Variants in ALX4 observed in about 807,000 individuals in gnomAD.
ALX4 encodes the protein homeobox protein aristaless-like 4.
A neutral mutation model predicts 40.6 loss-of-function variants in ALX4; 22 were observed. The ratio of observed to expected loss-of-function variants is 0.54; its 90% CI spans 0.39 to 0.77. The LOEUF (loss-of-function observed/expected upper bound fraction) is 0.77. Among genes scored for constraint, ALX4 ranks in the 30% least tolerant of loss-of-function variants. ALX4 has a pLI of 0.00. For synonymous variants in ALX4, 266 were observed against 240.5 expected (o/e 1.11, Z -0.98); for missense variants, 556 against 564.8 (o/e 0.98, Z 0.16).
At chr11:44,308,443 C>A (rs1482465143) in intron 1 of ALX4, among the ~76,000 whole-genome samples, 5 of 152,246 alleles carry the variant, frequency 3.3e-5, no homozygotes, top group Non-Finnish European at 4.4e-5. Context: ...CCCAACTCTT[C>A]CCACCAGGGC....
At chr11:44,294,993 G>T (rs1956394716) in intron 1 of ALX4, among the ~76,000 whole-genome samples, 1 of 151,994 alleles carries the variant, frequency 6.6e-6, no homozygotes, top group Non-Finnish European at 1.5e-5. Context: ...GGGATTACAG[G>T]CGCCCACCAC....
intron 1 of ALX4, among the ~76,000 whole-genome samples, chr11:44,293,140 GA>G (rs1565007416): frequency 3.6e-4 from 25 of 69,878 alleles, no homozygotes; most frequent in African/African-American, 7.9e-4. Flanking sequence ...AGGAAGGAAG[GA>G]AGGAAGGAAG....
At chr11:44,298,886 C>T (rs544215041) in intron 1 of ALX4, among the ~76,000 whole-genome samples, 2 of 152,110 alleles carry the variant, frequency 1.3e-5, no homozygotes, top group African/African-American at 4.8e-5. Flanking sequence ...GAAGGATGAA[C>T]GAAGAGAGAG....
At chr11:44,305,120 C>T (rs1956458506) in intron 1 of ALX4, among the ~76,000 whole-genome samples, 1 of 152,242 alleles carries the variant, frequency 6.6e-6, no homozygotes, top group East Asian at 1.9e-4. Context: ...TTTAAGGAAA[C>T]ATGTAAATGG....
chr11:44,293,109 AAGGAAGGAAG>A (rs1565007396), intron 1 of ALX4, among the ~76,000 whole-genome samples: 11 of 11,634 alleles, frequency 9.5e-4, no homozygotes, highest in Non-Finnish European at 3.0e-3. Flanking sequence ...AGAAGGAAGG[AAGGAAGGAAG>A]GAAGGAAGGA....
chr11:44,266,573 G>A (rs575866081), intron 3 of ALX4, among the ~76,000 whole-genome samples: 1 of 152,322 alleles, frequency 6.6e-6, no homozygotes, highest in Admixed American at 6.5e-5. Context: ...TCAGGGAGAA[G>A]TAAAGGAGGC....
intron 1 of ALX4, among the ~76,000 whole-genome samples, chr11:44,295,085 A>C (rs1956395481): frequency 6.6e-6 from 1 of 152,122 alleles, no homozygotes. Flanking sequence ...TCCTGACCTC[A>C]GGCAATCCAC....
chr11:44,264,617 C>A lies in ALX4; in HGVS notation c.*237G>T. On this transcript the variant is annotated 3_prime_UTR_variant, in exon 4 of 4. Coordinates refer to ENST00000652299, the MANE Select transcript of ALX4 (RefSeq NM_021926.4). ...CGTGGCCACCTGGCTTTCTCCACTG[C>A]CTGTGGCCGGGAGCAGGGGTCAGGG... is the stretch of plus-strand genomic sequence containing the variant. The A allele has an allele frequency of 1.7e-6, 1 of 587,898 alleles. No individual in the cohort carries two copies. The highest frequency in any genetic ancestry group is 3.0e-6 in the Non-Finnish European group (1 of 331,946). 36.4% of individuals were successfully genotyped at this position (587,898 alleles called of 1,614,324 possible). A position where few individuals can be genotyped will look rare whatever the true frequency, so the allele number is the denominator to read the frequency against.
rs79678021 is a variant in ALX4, at chr11:44,301,552, G to A, written c.466+8045C>T. Among the ~76,000 whole-genome samples, 19 of 152,286 alleles carry A rather than the reference G, an allele frequency of 1.2e-4. No homozygotes were observed. In the East Asian group the frequency reaches 3.1e-3, roughly 25 times the overall value. On this transcript the variant is annotated intron_variant, in intron 1 of 3. Transcript: ENST00000652299. ...CCTCTAATGCCCAGGAGCTCATGGCGGGGTCTGCTTTACTTCTAAGGAGAC... is the reference window on the plus strand; with the variant it reads ...CCTCTAATGCCCAGGAGCTCATGGCAGGGTCTGCTTTACTTCTAAGGAGAC...
At position 44,260,491 on chromosome 11, in the gene ALX4, TG is replaced by T. The variant is rs779265170; in HGVS notation, c.*4362del. 2.0e-5 allele frequency: 3 copies of T among 152,186 alleles called. No homozygotes were observed. The highest frequency in any genetic ancestry group is 4.8e-5 in the African/African-American group (2 of 41,438). 9.4% of individuals were successfully genotyped at this position (152,186 alleles called of 1,614,324 possible). A position where few individuals can be genotyped will look rare whatever the true frequency, so the allele number is the denominator to read the frequency against. On this transcript the variant is annotated 3_prime_UTR_variant, in exon 4 of 4. Transcript: ENST00000652299. ...TGCAAATAACAACAACCAAACAGTTTGGGCTGGGCCAGCAAAGGGTGTTCTG... is the reference window on the plus strand; with the variant it reads ...TGCAAATAACAACAACCAAACAGTTTGGCTGGGCCAGCAAAGGGTGTTCTG...
chr11:44,303,652 T>G (rs886181066), intron 1 of ALX4, among the ~76,000 whole-genome samples: 2 of 152,102 alleles, frequency 1.3e-5, no homozygotes, highest in East Asian at 3.9e-4. Flanking sequence ...TCCTCGGCGC[T>G]GGCTGGTGCG....
chr11:44,270,622 G>T (rs758841091), intron 2 of ALX4, among the ~76,000 whole-genome samples: 1 of 152,078 alleles, frequency 6.6e-6, no homozygotes, highest in African/African-American at 2.4e-5. Context: ...GGCTCCGAGA[G>T]CTCCCTTCCA....
Position 44,265,121 on chromosome 11 carries a change from G to C in ALX4, c.969C>G (p.Val323=). The C allele has an allele frequency of 6.2e-7, 1 of 1,611,468 alleles. No individual in the cohort carries two copies. The highest frequency in any genetic ancestry group is 1.3e-5 in the African/African-American group (1 of 75,034). ...TGCAGGCAGGCACCGGGTCGCAGGG[G>C]ACCACGCAGGCTGGCACTGGTGAGG... ...GAASPVPACV[V]PCDPVPACMS... is the part of the protein sequence containing the mutation. Residue 323 remains valine (V), a synonymous_variant, in exon 4 of 4, where the codon GTC becomes GTG. Coordinates refer to ENST00000652299, the MANE Select transcript of ALX4 (RefSeq NM_021926.4).
intron 1 of ALX4, among the ~76,000 whole-genome samples, chr11:44,309,278 G>T (rs991848189): frequency 5.4e-5 from 8 of 148,208 alleles, no homozygotes; most frequent in Non-Finnish European, 8.9e-5. Flanking sequence ...GCCCTGGGCC[G>T]GTAAGAAGCA....
Position 44,310,011 on chromosome 11 carries a change from C to T in ALX4, c.52G>A (p.Asp18Asn), listed in dbSNP as rs762975194. The change falls in exon 1 of 4, where the codon GAC becomes AAC. Residue 18 changes from aspartate to asparagine, a missense_variant. Transcript: ENST00000652299. ...SYCESPAAAM[D>N]AYYSPVSQSR... ...TGCGACACCGGGCTGTAGTAGGCGT[C>T]CATGGCAGCGGCCGGCGACTCGCAG... 6.2e-6 allele frequency: 10 copies of T among 1,604,024 alleles called. No individual in the cohort carries two copies. The highest frequency in any genetic ancestry group is 8.5e-6 in the Non-Finnish European group (10 of 1,175,538).
At chr11:44,301,995 G>A (rs1158870497) in intron 1 of ALX4, among the ~76,000 whole-genome samples, 4 of 152,180 alleles carry the variant, frequency 2.6e-5, no homozygotes, top group African/African-American at 4.8e-5. Context: ...GGGCCCCACC[G>A]GGGACTTGCC....
rs538785118 is a variant in ALX4 at position 44,287,683 on chromosome 11, C to T, written c.467-12025G>A. ...GAATCTCATGCCTGGAGCATGCCTA[C>T]TGGGCCCTCCTGGGGTGGATGCTGT... On this transcript the variant is annotated intron_variant, in intron 1 of 3. Coordinates refer to ENST00000652299, the MANE Select transcript of ALX4 (RefSeq NM_021926.4). Among the ~76,000 whole-genome samples the T allele has an allele frequency of 2.1e-4, 32 of 152,070 alleles. 1 individual carries two copies. Among genetic ancestry groups the T allele is most frequent in the Non-Finnish European group, 2.9e-5 (2 of 67,992 alleles).
At chr11:44,267,990 G>T (rs1031077380) in intron 2 of ALX4, among the ~76,000 whole-genome samples, 1 of 152,210 alleles carries the variant, frequency 6.6e-6, no homozygotes, top group Non-Finnish European at 1.5e-5. Flanking sequence ...AGCTACAAAT[G>T]CTCCTCCAGA....
chr11:44,293,167 GGAA>G (rs1565007537), intron 1 of ALX4, among the ~76,000 whole-genome samples: 16,082 of 37,086 alleles, frequency 0.43, 3,862 homozygotes, highest in South Asian at 0.48. Flanking sequence ...AAGGAAGGAA[GGAA>G]GCAGGCAGGC....
Sources: allele counts gnomAD v4.1 joint callset (sites outside exome capture counted in the v4.1 genomes callset), GRCh38; gene constraint gnomAD v4.1.1; transcripts MANE v1.5; gene names NCBI Gene and HGNC (gene_info 2026-07-23, HGNC 2026-07-21).